The following RNF220 variants were observed in gnomAD, a reference collection of about 807,000 sequenced individuals.
RNF220 encodes E3 ubiquitin-protein ligase RNF220.
In RNF220, 7 loss-of-function variants were observed where a neutral mutation model predicts 67.1. The observed-to-expected ratio is 0.10, with a 90% CI of 0.06 to 0.20. RNF220 has a LOEUF of 0.20. Among genes scored for constraint, RNF220 ranks in the 10% least tolerant of loss-of-function variants. RNF220 has a pLI of 1.00. For missense variants in RNF220, 565 were observed against 740.3 expected (o/e 0.76, Z 2.75); for synonymous variants, 270 against 283.2 (o/e 0.95, Z 0.47).
chr1:44,536,287 C>A (rs967277585), intron 2 of RNF220, among the ~76,000 whole-genome samples: 15 of 152,234 alleles, frequency 9.9e-5, no homozygotes, highest in Non-Finnish European at 1.2e-4. Flanking sequence ...TCCAGAACAT[C>A]TTCTCAGAAC....
intron 2 of RNF220, among the ~76,000 whole-genome samples, chr1:44,469,533 C>T (rs980181943): frequency 6.6e-6 from 1 of 152,156 alleles, no homozygotes; most frequent in Admixed American, 6.5e-5. Flanking sequence ...TGCCACTTAA[C>T]ACCACTGAGC....
At chr1:44,527,592 A>AT (rs1008239829) in intron 2 of RNF220, among the ~76,000 whole-genome samples, 122 of 149,364 alleles carry the variant, frequency 8.2e-4, no homozygotes, top group African/African-American at 2.7e-3. Context: ...ACCCTGTCTT[A>AT]TTTTTTTTTT....
chr1:44,415,698 G>A (rs888725312), intron 2 of RNF220, among the ~76,000 whole-genome samples: 1 of 151,944 alleles, frequency 6.6e-6, no homozygotes, highest in Non-Finnish European at 1.5e-5. Context: ...AGTTTTGTTG[G>A]TGGGTGGGGG....
chr1:44,442,079 T>C (rs1651616212), intron 2 of RNF220, among the ~76,000 whole-genome samples: 1 of 152,204 alleles, frequency 6.6e-6, no homozygotes. Flanking sequence ...TCCACACTGG[T>C]GCACACAGTT....
At chr1:44,448,589 T>C (rs1652342346) in intron 2 of RNF220, among the ~76,000 whole-genome samples, 1 of 152,222 alleles carries the variant, frequency 6.6e-6, no homozygotes, top group Non-Finnish European at 1.5e-5. Context: ...TATAGACTTT[T>C]AGATAGTAAC....
chr1:44,585,245 G>T (rs1665612386), intron 2 of RNF220, among the ~76,000 whole-genome samples: 2 of 152,148 alleles, frequency 1.3e-5, no homozygotes, highest in South Asian at 4.1e-4. Context: ...AGCAGGAACT[G>T]TTCCCTCTGC....
At chr1:44,492,472 A>G (rs1332901472) in intron 2 of RNF220, among the ~76,000 whole-genome samples, 1 of 152,246 alleles carries the variant, frequency 6.6e-6, no homozygotes, top group Non-Finnish European at 1.5e-5. Flanking sequence ...ACTAATATGC[A>G]TAGAAGTATT....
chr1:44,542,554 G>T (rs1018530157), intron 2 of RNF220, among the ~76,000 whole-genome samples: 2 of 152,208 alleles, frequency 1.3e-5, no homozygotes, highest in East Asian at 1.9e-4. Context: ...TCCCTCCACA[G>T]CGTGTCCCCA....
intron 2 of RNF220, among the ~76,000 whole-genome samples, chr1:44,442,513 T>TA (rs1651666224): frequency 3.2e-5 from 2 of 61,708 alleles, no homozygotes; most frequent in Non-Finnish European, 6.6e-5. Flanking sequence ...CCACTCACAC[T>TA]CTTTTTTTTT....
At chr1:44,474,565 T>C (rs1203344153) in intron 2 of RNF220, among the ~76,000 whole-genome samples, 2 of 151,238 alleles carry the variant, frequency 1.3e-5, no homozygotes, top group East Asian at 3.9e-4. Context: ...AAAAATTAGC[T>C]GTGTGTGGTG....
intron 2 of RNF220, among the ~76,000 whole-genome samples, chr1:44,553,413 C>T (rs1159420149): frequency 1.3e-5 from 2 of 150,606 alleles, no homozygotes; most frequent in African/African-American, 4.9e-5. Flanking sequence ...TGAATGAATG[C>T]TTCATGGCAT....
At chr1:44,591,524 G>T (rs756679369) in intron 2 of RNF220, among the ~76,000 whole-genome samples, 1 of 152,184 alleles carries the variant, frequency 6.6e-6, no homozygotes. Context: ...AGCTACGTCC[G>T]CCATGTCTAA....
At chr1:44,512,466 A>G (rs774987296) in intron 2 of RNF220, among the ~76,000 whole-genome samples, 9 of 152,174 alleles carry the variant, frequency 5.9e-5, no homozygotes, top group Non-Finnish European at 1.0e-4. Context: ...AAGGGAGGTG[A>G]CACACTGGGG....
chr1:44,491,753 T>C (rs1358748849), intron 2 of RNF220, among the ~76,000 whole-genome samples: 2 of 152,078 alleles, frequency 1.3e-5, no homozygotes, highest in Non-Finnish European at 2.9e-5. Context: ...AAACTCTGTC[T>C]CTTTGGTTCA....
intron 8 of RNF220, among the ~76,000 whole-genome samples, chr1:44,638,013 G>A (rs932088862): frequency 6.6e-6 from 1 of 152,260 alleles, no homozygotes; most frequent in African/African-American, 2.4e-5. Context: ...AGAGCGGGGC[G>A]CAGTGGAGCG....
rs545220335 is a variant in RNF220 at position 44,529,596 on chromosome 1, G to A, written c.626-84569G>A. Among the ~76,000 whole-genome samples the A allele has an allele frequency of 1.1e-4, 17 of 152,152 alleles. No individual in the cohort carries two copies. In the South Asian group the frequency reaches 3.1e-3, roughly 28 times the overall value. Reference sequence around the variant, plus strand: ...TCACTATGTTGTCCAGGCTGGTCTCGAACTCCTGGCCTCAAGTAATCCACC... The same window carrying A: ...TCACTATGTTGTCCAGGCTGGTCTCAAACTCCTGGCCTCAAGTAATCCACC... On this transcript the variant is annotated intron_variant, in intron 2 of 14. Transcript: ENST00000361799.
At chr1:44,592,519 G>A (rs968369329) in intron 2 of RNF220, among the ~76,000 whole-genome samples, 1 of 152,170 alleles carries the variant, frequency 6.6e-6, no homozygotes, top group Non-Finnish European at 1.5e-5. Flanking sequence ...GGAGGAACTC[G>A]AGAGCCTGTG....
At chr1:44,430,884 A>G (rs995862106) in intron 2 of RNF220, among the ~76,000 whole-genome samples, 4 of 152,172 alleles carry the variant, frequency 2.6e-5, no homozygotes, top group Non-Finnish European at 5.9e-5. Flanking sequence ...AGAAGACTGT[A>G]TTATGGGACA....
chr1:44,468,720 C>T lies in RNF220; in HGVS notation c.625+55998C>T, dbSNP rs553021857. 2.0e-5 allele frequency among the ~76,000 whole-genome samples: 3 copies of T among 152,124 alleles called. No homozygotes were observed. In the South Asian group the frequency reaches 6.2e-4, roughly 32 times the overall value. On this transcript the variant is annotated intron_variant, in intron 2 of 14. Coordinates refer to ENST00000361799, the MANE Select transcript of RNF220 (RefSeq NM_018150.4). ...CTTGAAGTCAGGAGTTTGAGACCAGCCTGGCCATCATGGTGAAACTCGGTC... is the reference window on the plus strand; with the variant it reads ...CTTGAAGTCAGGAGTTTGAGACCAGTCTGGCCATCATGGTGAAACTCGGTC...
Sources: gnomAD v4.1 joint callset for allele counts (sites outside exome capture counted in the v4.1 genomes callset) on GRCh38, gnomAD v4.1.1 for gene constraint, MANE v1.5 for transcripts, NCBI Gene and HGNC (gene_info 2026-07-23, HGNC 2026-07-21) for gene names.